Variants in RTN4RL2 observed in about 807,000 individuals in gnomAD.
RTN4RL2 encodes reticulon-4 receptor-like 2.
A neutral mutation model predicts 27.8 loss-of-function variants in RTN4RL2; 9 were observed. The ratio of observed to expected loss-of-function variants is 0.32; its 90% confidence interval spans 0.20 to 0.57. The LOEUF (loss-of-function observed/expected upper bound fraction) is 0.57. Ranked by LOEUF, RTN4RL2 falls within the 20% of genes least tolerant of loss-of-function variation. The pLI is 0.90. For missense variants in RTN4RL2, 436 were observed against 596.8 expected, an observed-to-expected ratio of 0.73 and a Z score of 2.81; for synonymous variants, 285 against 297.9, an observed-to-expected ratio of 0.96 and a Z score of 0.45.
chr11:57,476,641 G>C lies in RTN4RL2; in HGVS notation c.993G>C (p.Leu331=). The change falls in exon 3 of 3, where the codon CTG becomes CTC. Residue 331 remains leucine (L), a synonymous_variant. Transcript: ENST00000335099. The surrounding 1 kb of genome is among the most constrained non-coding windows in gnomAD (Gnocchi z 8.2). ...RARGNSSSNH[L]YGVAEAGAPP... is the part of the protein sequence containing the mutation. ...GCGGCAACAGCTCCTCCAACCACCT[G>C]TACGGGGTGGCCGAGGCCGGGGCGC... is the stretch of plus-strand genomic sequence containing the variant. 7.1e-7 allele frequency: 1 copy of C among 1,412,118 alleles called. No individual in the cohort carries two copies. Among genetic ancestry groups the C allele is most frequent in the East Asian group, 2.8e-5 (1 of 35,354 alleles). 87.5% of individuals were successfully genotyped at this position (1,412,118 alleles called of 1,614,324 possible).
intron 2 of RTN4RL2, among the ~76,000 whole-genome samples, chr11:57,471,034 G>A (rs1001308927): frequency 7.2e-5 from 11 of 151,942 alleles, no homozygotes; most frequent in Admixed American, 1.3e-4. Flanking sequence ...TCAGGAGTTC[G>A]AGACCAGCCT....
intron 2 of RTN4RL2, among the ~76,000 whole-genome samples, chr11:57,472,633 T>C (rs1207585837): frequency 3.3e-5 from 5 of 152,252 alleles, no homozygotes; most frequent in Admixed American, 6.5e-5. Flanking sequence ...TGAGCCTCGA[T>C]GGACCCATCT....
intron 2 of RTN4RL2, among the ~76,000 whole-genome samples, 192 bp from the exon 3 acceptor site, chr11:57,475,970 A>G (rs1354947464): frequency 6.6e-6 from 1 of 152,116 alleles, no homozygotes; most frequent in Non-Finnish European, 1.5e-5. Flanking sequence ...TGACCTCACC[A>G]ATACCACTTT....
rs11370612 is a variant in RTN4RL2 at position 57,467,377 on chromosome 11, AT to A, written c.32-219del. Among the ~76,000 whole-genome samples, 278 of 145,232 alleles carry A rather than the reference AT, an allele frequency of 1.9e-3. No homozygotes were observed. The highest frequency in any genetic ancestry group is 3.5e-3 in the Middle Eastern group (1 of 284). Reference sequence around the variant, plus strand: ...AGGCACATGCCACCATGCCTGGCTAATTTTTTTTTTTTTCTTGTAAAGACAG... The same window carrying A: ...AGGCACATGCCACCATGCCTGGCTAATTTTTTTTTTTTCTTGTAAAGACAG... On this transcript the variant is annotated intron_variant, in intron 1 of 2. Transcript: ENST00000335099. This position sits in a 1 kb window ranked among gnomAD's most constrained non-coding sequence, Gnocchi z 5.5.
rs549165595 is a variant in RTN4RL2, at chr11:57,466,646, C to G, written c.32-963C>G. 3.3e-5 allele frequency among the ~76,000 whole-genome samples: 5 copies of G among 152,312 alleles called. No individual in the cohort carries two copies. The East Asian group carries it at 7.7e-4, about 24-fold the overall frequency. ...CTCCCGGCACAAAGAGGCTCTGACT[C>G]TGCAAGGGCGAAAAGTACAGGAAAG... On this transcript the variant is annotated intron_variant, in intron 1 of 2. Coordinates refer to ENST00000335099, the MANE Select transcript of RTN4RL2 (RefSeq NM_178570.3).
chr11:57,466,589 G>A (rs879216083), intron 1 of RTN4RL2, among the ~76,000 whole-genome samples: 2 of 152,222 alleles, frequency 1.3e-5, no homozygotes, highest in Admixed American at 1.3e-4. Context: ...ACTGGCTGGT[G>A]GCCTCACTTA....
chr11:57,467,637 G>T lies in RTN4RL2; in HGVS notation c.60G>T (p.Met20Ile). ...CCGCCTCGGCCTGCCTCCTGCTGAT[G>T]CTCCTGGCCCTGCCCCTGGCGGCCC... ...QAPASACLLLMLLALPLAAPS... is the reference protein window; with the variant it reads ...QAPASACLLLILLALPLAAPS... Residue 20 changes from methionine to isoleucine, a missense_variant, in exon 2 of 3, where the codon ATG (methionine) becomes ATT (isoleucine). Met to Ile is a conservative substitution (Grantham distance 10). This residue lies in a region of RTN4RL2 where 365 missense variants were observed against 530.5 expected (regional missense o/e 0.69). Transcript: ENST00000335099. This position sits in a 1 kb window ranked among gnomAD's most constrained non-coding sequence, Gnocchi z 5.5. 1 of 1,609,076 alleles carries T rather than the reference G, an allele frequency of 6.2e-7. No homozygotes were observed. The highest frequency in any genetic ancestry group is 2.2e-5 in the East Asian group (1 of 44,806).
At chr11:57,468,769 G>T in intron 2 of RTN4RL2, 1 of 1,531,088 alleles carries the variant, frequency 6.5e-7, no homozygotes, top group South Asian at 1.2e-5. Context: ...TCTCAATGCA[G>T]GGGAAGAAAG....
At chr11:57,470,952 C>T (rs964529007) in intron 2 of RTN4RL2, among the ~76,000 whole-genome samples, 2 of 151,908 alleles carry the variant, frequency 1.3e-5, no homozygotes, top group Non-Finnish European at 2.9e-5. Flanking sequence ...GCCCATAGTT[C>T]AGGCCTGGTG....
At chr11:57,462,463 A>T (rs1285595306) in intron 1 of RTN4RL2, among the ~76,000 whole-genome samples, 2 of 152,090 alleles carry the variant, frequency 1.3e-5, no homozygotes, top group African/African-American at 4.8e-5. Context: ...CTCCTTCCAG[A>T]GCGAGAGGCC....
chr11:57,471,019 T>C (rs1943559877), intron 2 of RTN4RL2, among the ~76,000 whole-genome samples: 1 of 151,946 alleles, frequency 6.6e-6, no homozygotes, highest in Non-Finnish European at 1.5e-5. Flanking sequence ...GTGGATCACT[T>C]GAAGTCAGGA....
chr11:57,468,610 AG>A, intron 2 of RTN4RL2: 1 of 1,536,590 alleles, frequency 6.5e-7, no homozygotes, highest in South Asian at 1.2e-5. Context: ...CCCACCCTCA[AG>A]TCTGCCCACA....
chr11:57,466,582 G>T (rs1254723849), intron 1 of RTN4RL2, among the ~76,000 whole-genome samples: 1 of 152,202 alleles, frequency 6.6e-6, no homozygotes, highest in Non-Finnish European at 1.5e-5. Context: ...TCCTAGGACT[G>T]GCTGGTGGCC....
intron 2 of RTN4RL2, among the ~76,000 whole-genome samples, chr11:57,469,176 A>C (rs1351705002): frequency 6.6e-6 from 1 of 152,222 alleles, no homozygotes; most frequent in Non-Finnish European, 1.5e-5. Context: ...ACAACCTAAC[A>C]AACATACTGA....
In RTN4RL2 at chr11:57,467,439, C is replaced by T. The variant is rs1453095311; in HGVS notation, c.32-170C>T. Among the ~76,000 whole-genome samples, 1 of 151,958 alleles carries T rather than the reference C, an allele frequency of 6.6e-6. No individual in the cohort carries two copies. Among genetic ancestry groups the T allele is most frequent in the Admixed American group, 6.5e-5 (1 of 15,268 alleles). On this transcript the variant is annotated intron_variant, in intron 1 of 2. Transcript: ENST00000335099. This position sits in a 1 kb window ranked among gnomAD's most constrained non-coding sequence, Gnocchi z 5.5. ...ATGTTGCCCAGGATAGTCTCAAACT[C>T]CTGGCCTCAAGCAATCCTCCTGCCT...
intron 2 of RTN4RL2, among the ~76,000 whole-genome samples, chr11:57,468,371 G>C (rs2135119610): frequency 6.6e-6 from 1 of 151,818 alleles, no homozygotes. Flanking sequence ...CTGCCTGTCT[G>C]TCTGTCTATC....
At chr11:57,470,812 C>T (rs1388837985) in intron 2 of RTN4RL2, among the ~76,000 whole-genome samples, 1 of 152,120 alleles carries the variant, frequency 6.6e-6, no homozygotes, top group African/African-American at 2.4e-5. Flanking sequence ...TATTTTCTGA[C>T]TTATTTAACT....
intron 2 of RTN4RL2, among the ~76,000 whole-genome samples, chr11:57,469,752 C>T (rs1437781036): frequency 6.6e-6 from 1 of 152,126 alleles, no homozygotes; most frequent in East Asian, 1.9e-4. Context: ...GAAATTGCAC[C>T]TCACAGTTTA....
At chr11:57,468,475 T>C in intron 2 of RTN4RL2, 1 of 1,243,456 alleles carries the variant, frequency 8.0e-7, no homozygotes, top group South Asian at 1.3e-5. Context: ...CCACTCCGCA[T>C]ACACCCCCAT....
Sources: allele counts gnomAD v4.1 joint callset (sites outside exome capture counted in the v4.1 genomes callset), GRCh38; gene constraint gnomAD v4.1.1; regional missense constraint gnomAD v4.1.1; non-coding constraint Gnocchi (gnomAD v3.1); transcripts MANE v1.5; gene names NCBI Gene and HGNC (gene_info 2026-07-23, HGNC 2026-07-21).